TG: variants seen among roughly 807,000 people sequenced by gnomAD.
TG encodes thyroid hormones.
A neutral mutation model predicts 324.7 loss-of-function variants in TG; 270 were observed. That is an observed-to-expected ratio of 0.83 (90% CI 0.75 to 0.92). TG has a LOEUF of 0.92. TG is among the 40% of genes least tolerant of loss of function. The probability of loss-of-function intolerance (pLI) is 0.00; values close to 1 mark genes in which losing one functional copy is unlikely to be tolerated. For missense variants in TG, 3,591 were observed against 3,456.4 expected, an observed-to-expected ratio of 1.04 and a Z score of -0.98; for synonymous variants, 1,401 against 1,327.0, an observed-to-expected ratio of 1.06 and a Z score of -1.21.
chr8:133,106,310 G>A (rs1388108307), intron 43 of TG: 5 of 714,292 alleles, frequency 7.0e-6, no homozygotes, highest in Middle Eastern at 6.9e-4. Context: ...GGGAAGCAGC[G>A]CTGAGGGGCC....
At chr8:132,869,984 GC>G (rs1839332457) in intron 3 of TG, among the ~76,000 whole-genome samples, 158 bp downstream of exon 3, 3 of 152,146 alleles carry the variant, frequency 2.0e-5, no homozygotes, top group Admixed American at 2.0e-4. Flanking sequence ...GCCATGGAAG[GC>G]CCTATTTCCT....
At chr8:133,039,673 T>C (rs971239453) in intron 41 of TG, among the ~76,000 whole-genome samples, 4 of 152,206 alleles carry the variant, frequency 2.6e-5, no homozygotes, top group Non-Finnish European at 5.9e-5. Context: ...TGTTACTTTC[T>C]AGGATCCTAA....
intron 33 of TG, 97 bp from the exon 34 acceptor site, chr8:132,972,501 G>T: frequency 7.1e-7 from 1 of 1,416,882 alleles, no homozygotes; most frequent in Non-Finnish European, 9.8e-7. Context: ...AATGTCTGCT[G>T]AACAATGTAC....
chr8:133,061,934 A>G (rs1842424787), intron 41 of TG, among the ~76,000 whole-genome samples: 1 of 152,220 alleles, frequency 6.6e-6, no homozygotes, highest in Non-Finnish European at 1.5e-5. Context: ...CACCAAAATG[A>G]GAGTTGTTTA....
At chr8:132,976,300 C>T (rs1265675287) in intron 34 of TG, among the ~76,000 whole-genome samples, 1 of 152,158 alleles carries the variant, frequency 6.6e-6, no homozygotes, top group African/African-American at 2.4e-5. Context: ...CTTCTTGCTG[C>T]ATCATTCCAT....
chr8:133,124,985 T>A (rs1251272604), intron 45 of TG, among the ~76,000 whole-genome samples: 1 of 152,240 alleles, frequency 6.6e-6, no homozygotes, highest in East Asian at 1.9e-4. Context: ...CCTGGCTACA[T>A]CCTGTGGGAT....
At chr8:132,930,344 TCATATACCTGCTCATGTGTGCGTGCA>T (rs1416791856) in intron 23 of TG, among the ~76,000 whole-genome samples, 1 of 152,164 alleles carries the variant, frequency 6.6e-6, no homozygotes, top group Non-Finnish European at 1.5e-5. Flanking sequence ...ACAGGGATTG[TCATATACCTGCTCATGTGTGCGTGCA>T]CTGTGACACA....
At position 132,893,926 on chromosome 8, in the gene TG, T is replaced by C; in HGVS notation, c.2998T>C (p.Ser1000Pro). 1 of 1,614,018 alleles carries C rather than the reference T, an allele frequency of 6.2e-7. No homozygotes were observed. The highest frequency in any genetic ancestry group is 8.5e-7 in the Non-Finnish European group (1 of 1,179,938). Residue 1000 changes from serine to proline, a missense_variant, in exon 11 of 48, where the codon TCT becomes CCT. By Grantham distance (74) the Ser-to-Pro change is moderately conservative. Coordinates refer to ENST00000220616, the MANE Select transcript of TG (RefSeq NM_003235.5). ...SDYAIRLAAQ[S>P]TLSFYQRRRF... Reference sequence around the variant, plus strand: ...TTACGCCATTCGCCTGGCGGCTCAGTCTAGTGAGTGTGGTGCCCTTCAGCT... The same window carrying C: ...TTACGCCATTCGCCTGGCGGCTCAGCCTAGTGAGTGTGGTGCCCTTCAGCT...
At chr8:132,946,653 C>T (rs998806973) in intron 26 of TG, among the ~76,000 whole-genome samples, 7 of 152,174 alleles carry the variant, frequency 4.6e-5, no homozygotes, top group South Asian at 2.1e-4. Flanking sequence ...ATCTCCACCC[C>T]TCTAAGGCTT....
rs371659816 is a variant in TG at position 132,935,787 on chromosome 8, C to T, written c.4964C>T (p.Thr1655Ile). ...KRDALGNSKA[T>I]SFGSLRCQVK... ...GATGCACTGGGGAACTCAAAGGCCA[C>T]CAGCTTTGGAAGTCTTCGCTGCCAG... The change falls in exon 25 of 48, where the codon ACC becomes ATC. Residue 1655 changes from threonine to isoleucine, a missense_variant. Coordinates refer to ENST00000220616, the MANE Select transcript of TG (RefSeq NM_003235.5). 2.0e-5 allele frequency: 32 copies of T among 1,612,922 alleles called. No homozygotes were observed. In the African/African-American group the frequency reaches 3.9e-4, roughly 20 times the overall value.
intron 45 of TG, among the ~76,000 whole-genome samples, chr8:133,131,151 C>T (rs1851919252): frequency 1.3e-5 from 2 of 152,340 alleles, no homozygotes; most frequent in South Asian, 4.1e-4. Context: ...TACCACTCTC[C>T]CTGGTTCCCA....
Position 133,102,734 on chromosome 8 carries a change from T to C in TG, c.7572+6361T>C. 5 of 647,678 alleles carry C rather than the reference T, an allele frequency of 7.7e-6. No individual in the cohort carries two copies. The South Asian group carries it at 9.0e-5, about 12-fold the overall frequency. The allele number at this position is 647,678 out of a possible 1,614,324, so 40.1% of individuals were successfully genotyped here. ...TGCCTACATTATCCAGGCATTCATT[T>C]GCATGATCAAAAGCAGATTTGTTCC... is the stretch of plus-strand genomic sequence containing the variant. On this transcript the variant is annotated intron_variant, in intron 43 of 47. Coordinates refer to ENST00000220616, the MANE Select transcript of TG (RefSeq NM_003235.5).
intron 27 of TG, among the ~76,000 whole-genome samples, chr8:132,958,357 GT>G (rs1827234906): frequency 1.7e-4 from 26 of 151,334 alleles, no homozygotes; most frequent in Non-Finnish European, 3.1e-4. Flanking sequence ...CTATCTATCT[GT>G]CTATCTATCT....
At chr8:133,004,614 T>C (rs1833859553) in intron 35 of TG, among the ~76,000 whole-genome samples, 1 of 152,182 alleles carries the variant, frequency 6.6e-6, no homozygotes, top group Admixed American at 6.5e-5. Flanking sequence ...TAAATCGATA[T>C]TGTTTTCACT....
At chr8:133,015,477 A>G (rs1364965089) in intron 37 of TG, among the ~76,000 whole-genome samples, 1 of 152,208 alleles carries the variant, frequency 6.6e-6, no homozygotes, top group Non-Finnish European at 1.5e-5. Context: ...TTTGAAAGAG[A>G]TAACTTCACA....
chr8:132,912,146 A>G (rs1819624499), intron 19 of TG, among the ~76,000 whole-genome samples: 1 of 152,176 alleles, frequency 6.6e-6, no homozygotes, highest in Non-Finnish European at 1.5e-5. Flanking sequence ...TTCTATGAGG[A>G]AGAACTTCTG....
chr8:133,127,873 G>A (rs761231201), intron 45 of TG, among the ~76,000 whole-genome samples: 2 of 152,142 alleles, frequency 1.3e-5, no homozygotes, highest in Non-Finnish European at 2.9e-5. Flanking sequence ...AGCCCACTCC[G>A]TGATGGCCCA....
chr8:132,933,730 G>T (rs878909333), intron 24 of TG, 54 bp downstream of exon 24: 1 of 1,529,814 alleles, frequency 6.5e-7, no homozygotes, highest in South Asian at 1.1e-5. Context: ...TGGATCAGAT[G>T]TGCTCTGAGG....
At chr8:133,095,019 G>T in intron 41 of TG, 25 bp from the exon 42 acceptor site, 1 of 1,612,546 alleles carries the variant, frequency 6.2e-7, no homozygotes, top group Non-Finnish European at 8.5e-7. Context: ...TGAACCATCT[G>T]CCCTGAGCCT....
Sources: gnomAD v4.1 joint callset for allele counts (sites outside exome capture counted in the v4.1 genomes callset) on GRCh38, gnomAD v4.1.1 for gene constraint, MANE v1.5 for transcripts, NCBI Gene and HGNC (gene_info 2026-07-23, HGNC 2026-07-21) for gene names.